Variants in CNTN6 observed in about 807,000 individuals in gnomAD.
CNTN6 encodes contactin-6.
In CNTN6, 137 loss-of-function variants were observed where a neutral mutation model predicts 122.8. The ratio of observed to expected loss-of-function variants is 1.12; its 90% CI spans 0.97 to 1.29. CNTN6 has a LOEUF of 1.29. CNTN6 is among the 50% of genes most tolerant of loss of function. CNTN6 has a pLI of 0.00. For synonymous variants in CNTN6, 570 were observed against 426.0 expected, an observed-to-expected ratio of 1.34 and a Z score of -4.16; for missense variants, 1,634 against 1,223.4, an observed-to-expected ratio of 1.34 and a Z score of -5.01.
In CNTN6 at chr3:1,166,667, C is replaced by T. The variant is rs2093256157; in HGVS notation, c.55+18604C>T. On this transcript the variant is annotated intron_variant, in intron 2 of 22. Transcript: ENST00000446702. Reference sequence around the variant, plus strand: ...ACACAGGCTCCGCAATTAAAGACACCTGTGGCACATATACACCACAGAATA... The same window carrying T: ...ACACAGGCTCCGCAATTAAAGACACTTGTGGCACATATACACCACAGAATA... Among the ~76,000 whole-genome samples the T allele has an allele frequency of 2.6e-5, 4 of 152,076 alleles. No individual in the cohort carries two copies. In the South Asian group the frequency reaches 8.3e-4, roughly 32 times the overall value.
chr3:1,104,848 C>T (rs1178508934), intron 1 of CNTN6, among the ~76,000 whole-genome samples: 2 of 152,066 alleles, frequency 1.3e-5, no homozygotes, highest in African/African-American at 4.8e-5. Context: ...TATAAACATT[C>T]TCAAGTATCA....
chr3:1,315,749 A>G (rs1312439534), intron 7 of CNTN6, among the ~76,000 whole-genome samples: 2 of 151,908 alleles, frequency 1.3e-5, no homozygotes, highest in Middle Eastern at 3.2e-3. Context: ...CCACACATCC[A>G]TGTCTCACCT....
intron 4 of CNTN6, among the ~76,000 whole-genome samples, chr3:1,240,526 G>C (rs1575372881): frequency 6.6e-6 from 1 of 152,154 alleles, no homozygotes; most frequent in East Asian, 1.9e-4. Context: ...AAAAATAATA[G>C]ACATTGGCAT....
intron 5 of CNTN6, among the ~76,000 whole-genome samples, chr3:1,279,534 G>A (rs1361315818): frequency 2.6e-5 from 4 of 152,124 alleles, no homozygotes; most frequent in Admixed American, 2.6e-4. Flanking sequence ...TAGAGAAATA[G>A]AAAGATGTTA....
chr3:1,297,277 T>A (rs1410002519), intron 6 of CNTN6, among the ~76,000 whole-genome samples: 1 of 152,172 alleles, frequency 6.6e-6, no homozygotes, highest in African/African-American at 2.4e-5. Flanking sequence ...ATTTAAATAA[T>A]CTTGAGATGT....
intron 11 of CNTN6, among the ~76,000 whole-genome samples, chr3:1,343,253 C>A (rs1414082534): frequency 6.6e-6 from 1 of 152,030 alleles, no homozygotes; most frequent in Non-Finnish European, 1.5e-5. Flanking sequence ...CAGTTGGAGA[C>A]TATTAGTAGT....
intron 1 of CNTN6, among the ~76,000 whole-genome samples, chr3:1,117,925 A>G (rs2091791448): frequency 6.6e-6 from 1 of 152,146 alleles, no homozygotes. Context: ...GATTCACACC[A>G]TTCTGCACAT....
At chr3:1,368,214 C>A (rs1240001421) in intron 12 of CNTN6, among the ~76,000 whole-genome samples, 2 of 152,138 alleles carry the variant, frequency 1.3e-5, no homozygotes, top group East Asian at 1.9e-4. Context: ...GCATTTTGAA[C>A]TATACGAAAA....
chr3:1,277,433 C>T (rs1283169454), intron 4 of CNTN6, among the ~76,000 whole-genome samples: 2 of 135,782 alleles, frequency 1.5e-5, no homozygotes, highest in Non-Finnish European at 1.6e-5. Flanking sequence ...AATCTCGGCT[C>T]ATTGCAACCT....
intron 5 of CNTN6, among the ~76,000 whole-genome samples, chr3:1,279,222 G>C (rs1048197154): frequency 1.8e-4 from 28 of 152,184 alleles, no homozygotes; most frequent in African/African-American, 6.8e-4. Context: ...CCCGTTGTCA[G>C]GGATCCAAAC....
chr3:1,183,756 A>C (rs1341539512), intron 2 of CNTN6, among the ~76,000 whole-genome samples: 1 of 152,282 alleles, frequency 6.6e-6, no homozygotes, highest in East Asian at 1.9e-4. Flanking sequence ...TCAAAAAAAA[A>C]CACATTTATT....
chr3:1,329,092 T>C (rs959015324), intron 10 of CNTN6, among the ~76,000 whole-genome samples: 1 of 151,374 alleles, frequency 6.6e-6, no homozygotes, highest in Non-Finnish European at 1.5e-5. Context: ...TATGTATATA[T>C]GTGTATATAC....
At chr3:1,262,052 C>T (rs898178570) in intron 4 of CNTN6, among the ~76,000 whole-genome samples, 21 of 152,160 alleles carry the variant, frequency 1.4e-4, no homozygotes, top group Non-Finnish European at 7.4e-5. Context: ...ACAGTGATCT[C>T]CTGGATTAAT....
intron 7 of CNTN6, among the ~76,000 whole-genome samples, chr3:1,301,814 A>G (rs1358174943): frequency 1.3e-5 from 2 of 152,200 alleles, no homozygotes. Context: ...CTTCAAAACA[A>G]CGAAATGTAT....
intron 17 of CNTN6, among the ~76,000 whole-genome samples, chr3:1,379,360 C>T (rs1366514272): frequency 1.3e-5 from 2 of 152,056 alleles, no homozygotes; most frequent in Admixed American, 6.6e-5. Flanking sequence ...GACCATATAT[C>T]CCACAATGCT....
At position 1,352,359 on chromosome 3, in the gene CNTN6, A is replaced by G. The variant is rs773628504; in HGVS notation, c.1400A>G (p.Tyr467Cys). The G allele has an allele frequency of 1.3e-6, 2 of 1,571,384 alleles. No homozygotes were observed. Among genetic ancestry groups the G allele is most frequent in the Non-Finnish European group, 1.7e-6 (2 of 1,154,204 alleles). The change falls in exon 12 of 23, where the codon TAT (tyrosine) becomes TGT (cysteine). Residue 467 changes from tyrosine to cysteine, a missense_variant. Transcript: ENST00000446702. ...TTGGAGGATGGCAGCCTCAAGATAT[A>G]TAATATTACCAGGTCAGATGCTGGA... is the stretch of plus-strand genomic sequence containing the variant. ...FLLEDGSLKI[Y>C]NITRSDAGSY... is the part of the protein sequence containing the mutation.
At chr3:1,384,165 C>G (rs993300175) in intron 19 of CNTN6, among the ~76,000 whole-genome samples, 1 of 152,178 alleles carries the variant, frequency 6.6e-6, no homozygotes, top group African/African-American at 2.4e-5. Context: ...ACAGAGTCAA[C>G]AATTATGCAT....
chr3:1,202,617 A>C (rs1469555122), intron 2 of CNTN6, among the ~76,000 whole-genome samples: 1 of 151,970 alleles, frequency 6.6e-6, no homozygotes. Flanking sequence ...ATTTTTACAA[A>C]GTCAATGTAA....
intron 7 of CNTN6, among the ~76,000 whole-genome samples, chr3:1,304,045 C>T (rs1697909106): frequency 6.6e-6 from 1 of 152,164 alleles, no homozygotes; most frequent in Admixed American, 6.6e-5. Flanking sequence ...TGAGTAATGC[C>T]ATTCTTTCTA....
Sources: allele counts gnomAD v4.1 joint callset (sites outside exome capture counted in the v4.1 genomes callset), GRCh38; gene constraint gnomAD v4.1.1; transcripts MANE v1.5; gene names NCBI Gene and HGNC (gene_info 2026-07-23, HGNC 2026-07-21).